Variants in EXT1 observed in about 807,000 individuals in gnomAD.
EXT1 encodes exostosin-1.
A neutral mutation model predicts 82.5 loss-of-function variants in EXT1; 20 were observed. The ratio of observed to expected loss-of-function variants is 0.24; its 90% CI spans 0.17 to 0.35. The LOEUF (loss-of-function observed/expected upper bound fraction) is 0.35, where lower values mean the gene tolerates loss of function less well. Among genes scored for constraint, EXT1 ranks in the 10% least tolerant of loss-of-function variants. The pLI, the probability that EXT1 is intolerant of heterozygous loss-of-function variation, is 1.00. For missense variants in EXT1, 757 were observed against 936.5 expected (o/e 0.81, Z 2.50); for synonymous variants, 348 against 350.8 (o/e 0.99, Z 0.09).
intron 1 of EXT1, among the ~76,000 whole-genome samples, chr8:117,942,362 C>CT (rs1009206673): frequency 2.0e-5 from 3 of 152,298 alleles, no homozygotes; most frequent in African/African-American, 7.2e-5. Flanking sequence ...GACCTGGCCC[C>CT]TGTCTTTATA....
chr8:117,923,334 G>C (rs1469097651), intron 1 of EXT1, among the ~76,000 whole-genome samples: 1 of 151,540 alleles, frequency 6.6e-6, no homozygotes, highest in African/African-American at 2.4e-5. Context: ...CAAAAAGAAG[G>C]AAGGAAAAAG....
intron 10 of EXT1, among the ~76,000 whole-genome samples, chr8:117,800,795 TAA>T (rs1245895823): frequency 6.6e-6 from 1 of 152,242 alleles, no homozygotes. Context: ...GTGTTGCCCC[TAA>T]AGTTGGTTAA....
At chr8:118,107,007 C>T (rs1000122743) in intron 1 of EXT1, among the ~76,000 whole-genome samples, 2 of 152,176 alleles carry the variant, frequency 1.3e-5, no homozygotes, top group Non-Finnish European at 2.9e-5. Context: ...TTCCTTGCAG[C>T]TTTTCTATAC....
At chr8:118,067,140 G>A (rs77346112) in intron 1 of EXT1, among the ~76,000 whole-genome samples, 1,573 of 152,310 alleles carry the variant, frequency 0.01, 23 homozygotes, top group African/African-American at 0.036. Context: ...AAAGAATGTA[G>A]TAGAAATGAC....
chr8:117,895,781 T>C (rs1401991144), intron 1 of EXT1, among the ~76,000 whole-genome samples: 1 of 152,248 alleles, frequency 6.6e-6, no homozygotes, highest in African/African-American at 2.4e-5. Flanking sequence ...AAAGGTTTCA[T>C]GCTGGAAACA....
chr8:118,091,480 T>C (rs1388671318), intron 1 of EXT1, among the ~76,000 whole-genome samples: 1 of 152,182 alleles, frequency 6.6e-6, no homozygotes, highest in Non-Finnish European at 1.5e-5. Flanking sequence ...GGCTCACGCC[T>C]GTAATCCCAG....
intron 1 of EXT1, among the ~76,000 whole-genome samples, chr8:118,100,931 G>T (rs1248301168): frequency 6.6e-6 from 1 of 152,112 alleles, no homozygotes; most frequent in Non-Finnish European, 1.5e-5. Flanking sequence ...GGTCTTTACA[G>T]AAACAATGGC....
intron 1 of EXT1, among the ~76,000 whole-genome samples, chr8:118,029,854 T>C (rs1488975718): frequency 2.6e-5 from 4 of 152,230 alleles, no homozygotes; most frequent in Non-Finnish European, 2.9e-5. Context: ...ACATTCCTTA[T>C]TGATTTTGAG....
intron 1 of EXT1, among the ~76,000 whole-genome samples, chr8:117,856,447 T>TA (rs1812561470): frequency 7.3e-6 from 1 of 136,680 alleles, no homozygotes; most frequent in African/African-American, 2.6e-5. Context: ...TTTTTTTTTT[T>TA]AGTAGAGACG....
rs1160293660 is a variant in EXT1 at position 117,897,257 on chromosome 8, C to T, written c.963-60056G>A. On this transcript the variant is annotated intron_variant, in intron 1 of 10. Transcript: ENST00000378204. ...AAACCATATCCAGCAGGGCACAGAG[C>T]GTGCACATTGTCCTTCCGAGTAGAT... 3.9e-5 allele frequency among the ~76,000 whole-genome samples: 6 copies of T among 152,202 alleles called. No individual in the cohort carries two copies. In the East Asian group the frequency reaches 5.8e-4, roughly 15 times the overall value.
At chr8:118,043,719 A>G (rs1348447967) in intron 1 of EXT1, among the ~76,000 whole-genome samples, 1 of 152,216 alleles carries the variant, frequency 6.6e-6, no homozygotes, top group African/African-American at 2.4e-5. Flanking sequence ...ATAACACCTC[A>G]CACAATGTGA....
chr8:117,844,390 T>C (rs1380003439), intron 1 of EXT1, among the ~76,000 whole-genome samples: 1 of 152,012 alleles, frequency 6.6e-6, no homozygotes, highest in Non-Finnish European at 1.5e-5. Flanking sequence ...TGGGCTCAAG[T>C]GATCCTCCTA....
intron 1 of EXT1, among the ~76,000 whole-genome samples, chr8:117,908,496 G>A (rs1813582665): frequency 6.6e-6 from 1 of 151,974 alleles, no homozygotes; most frequent in South Asian, 2.1e-4. Flanking sequence ...TAGGCATGGT[G>A]GTGTATGCCT....
At chr8:117,987,615 C>T (rs17505016) in intron 1 of EXT1, among the ~76,000 whole-genome samples, 4,151 of 152,312 alleles carry the variant, frequency 0.027, 203 homozygotes, top group African/African-American at 0.09. Context: ...AAATCTTAGG[C>T]TCTGATGTAC....
intron 1 of EXT1, among the ~76,000 whole-genome samples, chr8:118,107,096 C>T (rs1372104854): frequency 6.6e-6 from 1 of 152,120 alleles, no homozygotes; most frequent in Non-Finnish European, 1.5e-5. Flanking sequence ...AATTCTTTAT[C>T]GACACATAAT....
chr8:118,016,937 G>A (rs1816014575), intron 1 of EXT1, among the ~76,000 whole-genome samples: 1 of 152,164 alleles, frequency 6.6e-6, no homozygotes, highest in Middle Eastern at 3.2e-3. Context: ...TTATAGACGT[G>A]TTCACTTTGT....
intron 1 of EXT1, among the ~76,000 whole-genome samples, chr8:117,848,422 G>C (rs557257931): frequency 6.6e-6 from 1 of 152,292 alleles, no homozygotes; most frequent in African/African-American, 2.4e-5. Flanking sequence ...AGCTGGCCAT[G>C]CTTCCCACAG....
At chr8:118,025,845 C>T (rs1816192631) in intron 1 of EXT1, among the ~76,000 whole-genome samples, 1 of 151,902 alleles carries the variant, frequency 6.6e-6, no homozygotes, top group African/African-American at 2.4e-5. Flanking sequence ...TCAAATGTGC[C>T]ATAAATGACA....
At chr8:118,061,837 A>G (rs1338255223) in intron 1 of EXT1, among the ~76,000 whole-genome samples, 1 of 152,238 alleles carries the variant, frequency 6.6e-6, no homozygotes, top group Non-Finnish European at 1.5e-5. Context: ...TTTGTAGATC[A>G]AAGAGTATTT....
Sources: gnomAD v4.1 joint callset for allele counts (sites outside exome capture counted in the v4.1 genomes callset) on GRCh38, gnomAD v4.1.1 for gene constraint, MANE v1.5 for transcripts, NCBI Gene and HGNC (gene_info 2026-07-23, HGNC 2026-07-21) for gene names.